The following CLVS1 variants were observed in gnomAD, a reference collection of about 807,000 sequenced individuals.
The protein encoded by CLVS1 is clavesin-1.
A neutral mutation model predicts 33.1 loss-of-function variants in CLVS1; 10 were observed. The observed-to-expected ratio is 0.30, with a 90% CI of 0.19 to 0.51. CLVS1 has a LOEUF of 0.51. Among genes scored for constraint, CLVS1 ranks in the 20% least tolerant of loss-of-function variants. CLVS1 has a pLI of 0.97. For missense variants in CLVS1, 343 were observed against 433.4 expected (o/e 0.79, Z 1.85); for synonymous variants, 163 against 166.1 (o/e 0.98, Z 0.14).
In CLVS1 at chr8:61,384,145, A is replaced by G. The variant is rs977606127; in HGVS notation, c.630+7366A>G. Among the ~76,000 whole-genome samples the G allele has an allele frequency of 2.0e-5, 3 of 152,338 alleles. No individual in the cohort carries two copies. The East Asian group carries it at 5.8e-4, about 29-fold the overall frequency. ...CTTACAGACAGTGGAGAGAATACAG[A>G]CAAAGACAGAGACACAGCTCAGTAG... On this transcript the variant is annotated intron_variant, in intron 3 of 5. Transcript: ENST00000325897.
At chr8:61,184,820 A>G (rs1387248443) in intron 2 of CLVS1, among the ~76,000 whole-genome samples, 4 of 152,212 alleles carry the variant, frequency 2.6e-5, no homozygotes, top group African/African-American at 9.6e-5. Flanking sequence ...CTAGAGGAGT[A>G]AGGAAGTACT....
At chr8:61,267,982 C>A (rs543544996) in intron 2 of CLVS1, among the ~76,000 whole-genome samples, 1 of 151,850 alleles carries the variant, frequency 6.6e-6, no homozygotes, top group African/African-American at 2.4e-5. Context: ...ATTCATGGGC[C>A]CTGCTGGATA....
At chr8:61,189,780 C>A (rs1056271800) in intron 2 of CLVS1, among the ~76,000 whole-genome samples, 1 of 152,118 alleles carries the variant, frequency 6.6e-6, no homozygotes. Flanking sequence ...CAAAGAAGTC[C>A]ATTACATAAT....
the CLVS1 span, among the ~76,000 whole-genome samples, chr8:60,981,504 C>T: frequency 3.3e-5 from 5 of 152,178 alleles, no homozygotes; most frequent in Non-Finnish European, 7.4e-5. Flanking sequence ...GTGGGGATCA[C>T]GTGTTGTCCA....
chr8:61,128,170 A>C (rs1223756455), intron 1 of CLVS1, among the ~76,000 whole-genome samples: 1 of 152,224 alleles, frequency 6.6e-6, no homozygotes, highest in Non-Finnish European at 1.5e-5. Context: ...TAAATCTAAT[A>C]TCTCTAAAGC....
intron 3 of CLVS1, among the ~76,000 whole-genome samples, chr8:61,393,080 C>T (rs1451796848): frequency 6.6e-6 from 1 of 151,868 alleles, no homozygotes; most frequent in Non-Finnish European, 1.5e-5. Flanking sequence ...ACGGGTTTCT[C>T]CATGTTGGTC....
chr8:61,489,155 A>G (rs1803984442), intron 5 of CLVS1, among the ~76,000 whole-genome samples: 1 of 152,124 alleles, frequency 6.6e-6, no homozygotes, highest in South Asian at 2.1e-4. Context: ...TTTTTATTTC[A>G]TTTGCTGCGC....
chr8:61,497,075 A>G (rs1441359454), intron 5 of CLVS1, among the ~76,000 whole-genome samples: 3 of 152,234 alleles, frequency 2.0e-5, no homozygotes, highest in Non-Finnish European at 4.4e-5. Context: ...AGAACTTCTT[A>G]GAACAATACC....
At chr8:61,474,926 C>T (rs1214233843) in intron 5 of CLVS1, among the ~76,000 whole-genome samples, 2 of 152,164 alleles carry the variant, frequency 1.3e-5, no homozygotes, top group Non-Finnish European at 2.9e-5. Context: ...AGGTATATCT[C>T]CTAATGCTAT....
chr8:61,111,215 G>A (rs142682781), intron 1 of CLVS1, among the ~76,000 whole-genome samples: 43 of 152,138 alleles, frequency 2.8e-4, no homozygotes, highest in Non-Finnish European at 4.0e-4. Context: ...ATTGATATAC[G>A]GCTTTCACTG....
intron 3 of CLVS1, among the ~76,000 whole-genome samples, chr8:61,424,230 T>C (rs1323197378): frequency 1.3e-5 from 2 of 152,254 alleles, no homozygotes; most frequent in East Asian, 3.8e-4. Flanking sequence ...CAGTGAATGC[T>C]TGGATTTCAC....
At chr8:61,033,123 A>G in the CLVS1 span, among the ~76,000 whole-genome samples, 41,511 of 71,956 alleles carry the variant, frequency 0.58, 13,146 homozygotes, top group East Asian at 0.69. Flanking sequence ...AGGAAGGAAG[A>G]AAGGAAAGAA....
chr8:60,999,529 A>C, the CLVS1 span, among the ~76,000 whole-genome samples: 1 of 152,242 alleles, frequency 6.6e-6, no homozygotes, highest in Non-Finnish European at 1.5e-5. Flanking sequence ...TGCCTACCTC[A>C]CAAGGATATT....
intron 3 of CLVS1, among the ~76,000 whole-genome samples, chr8:61,420,280 G>A (rs1298206457): frequency 2.6e-5 from 4 of 152,222 alleles, no homozygotes; most frequent in Admixed American, 2.6e-4. Context: ...TAAATACCCA[G>A]TAAAGGTTGA....
At chr8:61,215,657 C>T (rs530182066) in intron 2 of CLVS1, among the ~76,000 whole-genome samples, 47 of 150,368 alleles carry the variant, frequency 3.1e-4, no homozygotes, top group Admixed American at 1.6e-3. Flanking sequence ...GTATTGAACT[C>T]GGAATTATGG....
chr8:61,185,251 C>T (rs1408705056), intron 2 of CLVS1, among the ~76,000 whole-genome samples: 3 of 151,708 alleles, frequency 2.0e-5, no homozygotes. Flanking sequence ...AAGGGATCCT[C>T]CTACCTCAAC....
At chr8:61,457,171 A>G (rs917172656) in intron 4 of CLVS1, among the ~76,000 whole-genome samples, 7 of 152,016 alleles carry the variant, frequency 4.6e-5, no homozygotes, top group Admixed American at 6.5e-5. Flanking sequence ...TCCTGACCTC[A>G]GGTGATCTGC....
the CLVS1 span, among the ~76,000 whole-genome samples, chr8:60,998,932 T>C: frequency 1.8e-3 from 278 of 152,148 alleles, no homozygotes; most frequent in African/African-American, 6.4e-3. Context: ...CAAAACACAT[T>C]GAGGATGAGA....
chr8:61,061,299 G>T (rs1563388441), intron 1 of CLVS1, among the ~76,000 whole-genome samples: 1 of 152,082 alleles, frequency 6.6e-6, no homozygotes, highest in Non-Finnish European at 1.5e-5. Flanking sequence ...ATCAAACCAG[G>T]GGTAAAGGAA....
Sources: gnomAD v4.1 joint callset for allele counts (sites outside exome capture counted in the v4.1 genomes callset) on GRCh38, gnomAD v4.1.1 for gene constraint, MANE v1.5 for transcripts, NCBI Gene and HGNC (gene_info 2026-07-23, HGNC 2026-07-21) for gene names.